The following TSPEAR variants were observed in gnomAD, a reference collection of about 807,000 sequenced individuals.
The protein encoded by TSPEAR is thrombospondin-type laminin G domain and EAR repeat-containing protein.
A neutral mutation model predicts 71.6 loss-of-function variants in TSPEAR; 69 were observed. The observed-to-expected ratio is 0.96, with a 90% CI of 0.79 to 1.18. The LOEUF (loss-of-function observed/expected upper bound fraction) is 1.18, where lower values mean the gene tolerates loss of function less well. Ranked by LOEUF, TSPEAR falls within the 50% of genes most tolerant of loss-of-function variation. The probability of loss-of-function intolerance (pLI) is 0.00; values close to 1 mark genes in which losing one functional copy is unlikely to be tolerated. For missense variants in TSPEAR, 971 were observed against 894.9 expected (o/e 1.09, Z -1.09); for synonymous variants, 402 against 387.2 (o/e 1.04, Z -0.45).
intron 1 of TSPEAR, among the ~76,000 whole-genome samples, chr21:44,579,284 T>C (rs1555924422): frequency 6.6e-6 from 1 of 152,160 alleles, no homozygotes; most frequent in East Asian, 1.9e-4. Flanking sequence ...GAGCCGGGAC[T>C]GAGCCTTCCT....
At chr21:44,589,992 T>C (rs111588047) in intron 1 of TSPEAR, among the ~76,000 whole-genome samples, 21 of 152,348 alleles carry the variant, frequency 1.4e-4, no homozygotes, top group African/African-American at 4.8e-4. Context: ...GACGTGGCTT[T>C]GCTTCCAAGG....
intron 2 of TSPEAR, chr21:44,540,039 C>T (rs370416268): frequency 2.1e-5 from 34 of 1,611,034 alleles, no homozygotes; most frequent in South Asian, 7.7e-5. Context: ...GGGGCCGGGG[C>T]GCAGCAGCTG....
chr21:44,695,895 C>T lies in TSPEAR; in HGVS notation c.82+15538G>A, dbSNP rs542331267. On this transcript the variant is annotated intron_variant, in intron 1 of 11. Coordinates refer to ENST00000323084, the MANE Select transcript of TSPEAR (RefSeq NM_144991.3). The surrounding 1 kb of genome is among the most constrained non-coding windows in gnomAD (Gnocchi z 4.5). Reference sequence around the variant, plus strand: ...TCACCTGCTGGTCACTGCCTGTGGGCCTGAAGCCCTCCAACTTTCCAGGCA... The same window carrying T: ...TCACCTGCTGGTCACTGCCTGTGGGTCTGAAGCCCTCCAACTTTCCAGGCA... 3.6e-4 allele frequency among the ~76,000 whole-genome samples: 55 copies of T among 152,298 alleles called. No individual in the cohort carries two copies. Among genetic ancestry groups the T allele is most frequent in the African/African-American group, 1.3e-3 (54 of 41,562 alleles).
chr21:44,518,976 C>G (rs1271059912), intron 9 of TSPEAR: 1 of 203,682 alleles, frequency 4.9e-6, no homozygotes, highest in Non-Finnish European at 1.0e-5. Context: ...CAGCTGTGCC[C>G]AAGTCCCCAA....
chr21:44,658,265 T>C, intron 1 of TSPEAR: 1 of 1,613,264 alleles, frequency 6.2e-7, no homozygotes, highest in Non-Finnish European at 8.5e-7. Flanking sequence ...CCCTTCCTGC[T>C]GCTGACCAGC....
chr21:44,647,540 C>A, intron 1 of TSPEAR: 1 of 727,530 alleles, frequency 1.4e-6, no homozygotes, highest in Non-Finnish European at 2.3e-6. Context: ...ACCCACAAAT[C>A]CCTCAGCAGG....
At chr21:44,649,840 C>T (rs1187180298) in intron 1 of TSPEAR, among the ~76,000 whole-genome samples, 2 of 152,180 alleles carry the variant, frequency 1.3e-5, no homozygotes, top group African/African-American at 2.4e-5. Context: ...CGATGAAAGA[C>T]GCCACAGCCC....
chr21:44,668,453 T>C (rs9984686), intron 1 of TSPEAR, among the ~76,000 whole-genome samples: 79,990 of 152,170 alleles, frequency 0.53, 21,682 homozygotes, highest in African/African-American at 0.66. Context: ...ATATTGTTAA[T>C]ATGTCCATAC....
chr21:44,604,355 TAA>T (rs1203944079), intron 1 of TSPEAR, among the ~76,000 whole-genome samples: 1 of 151,870 alleles, frequency 6.6e-6, no homozygotes, highest in Non-Finnish European at 1.5e-5. Flanking sequence ...AAGAAACGAA[TAA>T]AAGAGATGGA....
At chr21:44,646,276 A>G (rs1338677294) in intron 1 of TSPEAR, 2 of 808,944 alleles carry the variant, frequency 2.5e-6, no homozygotes, top group Admixed American at 5.9e-5. Context: ...TGAATGATGC[A>G]TCTCCAGCCA....
chr21:44,699,251 G>A (rs571699755), intron 1 of TSPEAR, among the ~76,000 whole-genome samples: 59 of 151,616 alleles, frequency 3.9e-4, no homozygotes, highest in East Asian at 7.8e-4. Flanking sequence ...ATGGTGGCAC[G>A]AACCTGTAGT....
rs1393972379 is a variant in TSPEAR at position 44,711,420 on chromosome 21, G to T, written c.82+13C>A. The T allele has an allele frequency of 2.5e-6, 4 of 1,584,086 alleles. No homozygotes were observed. Among genetic ancestry groups the T allele is most frequent in the Non-Finnish European group, 3.4e-6 (4 of 1,165,554 alleles). ...AAGATACCCCCGCCCGAGTTCCCAT[G>T]CCCCTGCCTTACCTGTGCAGGGCTC... is the stretch of plus-strand genomic sequence containing the variant. On this transcript the variant is annotated intron_variant, in intron 1 of 11. Transcript: ENST00000323084. The surrounding 1 kb of genome is among the most constrained non-coding windows in gnomAD (Gnocchi z 4.5).
chr21:44,588,747 T>TATGTGTG (rs199593901), intron 1 of TSPEAR, among the ~76,000 whole-genome samples: 1 of 146,242 alleles, frequency 6.8e-6, no homozygotes, highest in South Asian at 2.1e-4. Flanking sequence ...TATATATATG[T>TATGTGTG]TATATATATG....
intron 1 of TSPEAR, chr21:44,575,246 A>C: frequency 1.2e-5 from 7 of 576,916 alleles, no homozygotes; most frequent in Non-Finnish European, 1.9e-5. Context: ...CATATCTCCC[A>C]CCTCTCATGA....
chr21:44,544,619 C>A (rs1018071712), intron 2 of TSPEAR, among the ~76,000 whole-genome samples: 2 of 152,068 alleles, frequency 1.3e-5, no homozygotes, highest in African/African-American at 4.8e-5. Context: ...TTTATTAGGC[C>A]ATCATAATTT....
chr21:44,648,253 G>T (rs1984558093), intron 1 of TSPEAR, among the ~76,000 whole-genome samples: 1 of 152,222 alleles, frequency 6.6e-6, no homozygotes. Context: ...AGAGGATGAG[G>T]CTGTAGTCTC....
intron 1 of TSPEAR, among the ~76,000 whole-genome samples, chr21:44,609,370 C>T (rs1555930427): frequency 6.6e-6 from 1 of 152,186 alleles, no homozygotes; most frequent in Non-Finnish European, 1.5e-5. Context: ...ATATATCTTC[C>T]TTGTACCCAT....
chr21:44,709,502 C>T (rs181616988), intron 1 of TSPEAR, among the ~76,000 whole-genome samples: 256 of 152,328 alleles, frequency 1.7e-3, no homozygotes, highest in Non-Finnish European at 3.2e-3. Flanking sequence ...GAATGAGCGC[C>T]GAAAATCAAA....
intron 2 of TSPEAR, among the ~76,000 whole-genome samples, chr21:44,555,749 C>T (rs587680955): frequency 1.4e-3 from 206 of 152,178 alleles, no homozygotes; most frequent in African/African-American, 4.8e-3. Flanking sequence ...TTGCTCTGGG[C>T]TACTGATCAG....
Sources: allele counts gnomAD v4.1 joint callset (sites outside exome capture counted in the v4.1 genomes callset), GRCh38; gene constraint gnomAD v4.1.1; non-coding constraint Gnocchi (gnomAD v3.1); transcripts MANE v1.5; gene names NCBI Gene and HGNC (gene_info 2026-07-23, HGNC 2026-07-21).